ABAT: variants seen among roughly 807,000 people sequenced by gnomAD.
ABAT encodes 4-aminobutyrate aminotransferase, also known as 4-aminobutyrate aminotransferase, mitochondrial.
Under a neutral mutation model 64.6 loss-of-function variants are expected in ABAT, and 45 were observed. The observed-to-expected ratio is 0.70, with a 90% CI of 0.55 to 0.89. ABAT has a LOEUF of 0.89. Ranked by LOEUF, ABAT falls within the 40% of genes least tolerant of loss-of-function variation. ABAT has a pLI of 0.00. For missense variants in ABAT, 633 were observed against 658.4 expected (o/e 0.96, Z 0.42); for synonymous variants, 297 against 250.5 (o/e 1.19, Z -1.75).
intron 2 of ABAT, chr16:8,737,144 G>T (rs571367392): frequency 6.6e-6 from 1 of 152,152 alleles, no homozygotes; most frequent in Admixed American, 6.5e-5. Flanking sequence ...CAGTAGGAGC[G>T]TTCGCCCCTC....
intron 1 of ABAT, among the ~76,000 whole-genome samples, chr16:8,721,897 C>A (rs2058383093): frequency 1.3e-5 from 2 of 152,206 alleles, no homozygotes; most frequent in Non-Finnish European, 2.9e-5. Flanking sequence ...GACTGAAGAG[C>A]TCACTATCTG....
At chr16:8,694,648 G>T (rs2057661760) in intron 1 of ABAT, among the ~76,000 whole-genome samples, 2 of 152,270 alleles carry the variant, frequency 1.3e-5, no homozygotes, top group South Asian at 4.1e-4. Context: ...AAAGTGCTGG[G>T]ATTACAGGCA....
At chr16:8,766,102 G>T in intron 8 of ABAT, 106 bp from the exon 9 acceptor site, 1 of 1,064,328 alleles carries the variant, frequency 9.4e-7, no homozygotes, top group East Asian at 2.5e-5. Flanking sequence ...CCACTCCTGA[G>T]AAAGCACTTT....
intron 3 of ABAT, among the ~76,000 whole-genome samples, chr16:8,746,964 T>G (rs1277761361): frequency 6.6e-6 from 1 of 152,168 alleles, no homozygotes; most frequent in African/African-American, 2.4e-5. Flanking sequence ...GTGGCTTGAA[T>G]CACTGCAGTG....
At chr16:8,719,802 A>AT (rs1379907395) in intron 1 of ABAT, among the ~76,000 whole-genome samples, 1 of 152,162 alleles carries the variant, frequency 6.6e-6, no homozygotes, top group Non-Finnish European at 1.5e-5. Context: ...GTTGTTCACA[A>AT]TTTTTGTTTA....
At chr16:8,701,834 T>C (rs1383170388) in intron 1 of ABAT, among the ~76,000 whole-genome samples, 3 of 149,408 alleles carry the variant, frequency 2.0e-5, no homozygotes, top group African/African-American at 7.5e-5. Context: ...AAGAGATTTT[T>C]GGGGAGTGGA....
In ABAT at chr16:8,783,704, G is replaced by A. The variant is rs1486523628; in HGVS notation, c.*2274G>A. The A allele has an allele frequency of 2.0e-5, 3 of 152,126 alleles. No individual in the cohort carries two copies. The highest frequency in any genetic ancestry group is 7.2e-5 in the African/African-American group (3 of 41,422). The allele number at this position is 152,126 out of a possible 1,614,324, so 9.4% of individuals were successfully genotyped here. On this transcript the variant is annotated 3_prime_UTR_variant, in exon 16 of 16. Transcript: ENST00000268251. Reference sequence around the variant, plus strand: ...GCTTTCTCCTGAAAACTTTAGCATTGGGTGCAAATATTCAGTATGGTTCTC... The same window carrying A: ...GCTTTCTCCTGAAAACTTTAGCATTAGGTGCAAATATTCAGTATGGTTCTC...
chr16:8,677,595 C>A (rs965891848), intron 1 of ABAT, among the ~76,000 whole-genome samples: 1 of 152,146 alleles, frequency 6.6e-6, no homozygotes, highest in Non-Finnish European at 1.5e-5. Context: ...TGTTGTGGGA[C>A]TCCCCTGTGT....
intron 1 of ABAT, among the ~76,000 whole-genome samples, chr16:8,719,403 C>G (rs767307291): frequency 7.2e-5 from 11 of 152,190 alleles, no homozygotes; most frequent in Non-Finnish European, 1.2e-4. Context: ...CAAAGGCTAT[C>G]TGTGTCTCAC....
chr16:8,770,384 G>A (rs1041945095), intron 11 of ABAT, among the ~76,000 whole-genome samples: 21 of 152,016 alleles, frequency 1.4e-4, no homozygotes, highest in African/African-American at 3.9e-4. Context: ...TGATCCGCCC[G>A]CCTCGGCCTC....
chr16:8,751,383 C>T (rs1218266008), intron 5 of ABAT, among the ~76,000 whole-genome samples: 4 of 152,130 alleles, frequency 2.6e-5, no homozygotes, highest in African/African-American at 9.7e-5. Context: ...CCACTGAACC[C>T]AGCCAGAGGT....
intron 2 of ABAT, among the ~76,000 whole-genome samples, chr16:8,740,842 A>G (rs1368362990): frequency 6.6e-6 from 1 of 152,240 alleles, no homozygotes. Context: ...CTCAATAAAC[A>G]TTTTATCACA....
chr16:8,692,628 G>A (rs2057609533), intron 1 of ABAT, among the ~76,000 whole-genome samples: 1 of 152,190 alleles, frequency 6.6e-6, no homozygotes, highest in Admixed American at 6.5e-5. Flanking sequence ...TGGGAATGGA[G>A]CATGCTCACA....
chr16:8,759,476 C>T (rs2059737081), intron 6 of ABAT, among the ~76,000 whole-genome samples: 2 of 151,954 alleles, frequency 1.3e-5, no homozygotes, highest in African/African-American at 4.8e-5. Flanking sequence ...GACCCCTCCC[C>T]TTACTTTTAA....
intron 1 of ABAT, among the ~76,000 whole-genome samples, chr16:8,688,940 C>T (rs1040077198): frequency 6.6e-6 from 1 of 152,086 alleles, no homozygotes; most frequent in Non-Finnish European, 1.5e-5. Flanking sequence ...ATTAGCCGGG[C>T]GTGGTGGCAG....
intron 2 of ABAT, among the ~76,000 whole-genome samples, chr16:8,737,724 AC>A (rs1473492211): frequency 6.7e-6 from 1 of 149,626 alleles, no homozygotes; most frequent in Admixed American, 6.8e-5. Context: ...GAAGTTCGAG[AC>A]CAGCCTGGGC....
chr16:8,732,014 C>T (rs527883635), intron 1 of ABAT, among the ~76,000 whole-genome samples: 10 of 151,110 alleles, frequency 6.6e-5, no homozygotes, highest in East Asian at 5.8e-4. Context: ...CAACCACGCC[C>T]GGGTAATTTT....
intron 5 of ABAT, among the ~76,000 whole-genome samples, chr16:8,752,822 C>T (rs372632502): frequency 6.6e-6 from 1 of 152,190 alleles, no homozygotes; most frequent in African/African-American, 2.4e-5. Flanking sequence ...TCTCTCTGGC[C>T]ACCTGTCCTC....
Position 8,774,977 on chromosome 16 carries a change from GA to G in ABAT, c.1043del (p.Asp348AlafsTer5). 1 of 1,614,230 alleles carries G rather than the reference GA, an allele frequency of 6.2e-7. No homozygotes were observed. On this transcript the variant is annotated frameshift_variant, in exon 13 of 16. Coordinates refer to ENST00000268251, the MANE Select transcript of ABAT (RefSeq NM_020686.6). LOFTEE classifies it high-confidence loss of function. Reference protein sequence around the residue: ...FWAHEHWGLDDPADVMTFSKK... With the variant: ...FWAHEHWGLDXPADVMTFSKK... ...GGCCCATGAGCACTGGGGCCTGGAT[GA>G]CCCAGCAGACGTGATGACCTTCAGC...
Sources: allele counts gnomAD v4.1 joint callset (sites outside exome capture counted in the v4.1 genomes callset), GRCh38; gene constraint gnomAD v4.1.1; transcripts MANE v1.5; gene names NCBI Gene and HGNC (gene_info 2026-07-23, HGNC 2026-07-21).